NKAIN2: variants seen among roughly 807,000 people sequenced by gnomAD.
NKAIN2 encodes sodium/potassium transporting ATPase interacting 2, also known as sodium/potassium-transporting ATPase subunit beta-1-interacting protein 2.
Under a neutral mutation model 32.6 loss-of-function variants are expected in NKAIN2, and 14 were observed. The observed-to-expected ratio is 0.43, with a 90% confidence interval of 0.28 to 0.67. The LOEUF is 0.67. Ranked by LOEUF, NKAIN2 falls within the 30% of genes least tolerant of loss-of-function variation. The probability of loss-of-function intolerance (pLI) is 0.17; values close to 1 mark genes in which losing one functional copy is unlikely to be tolerated. For synonymous variants in NKAIN2, 80 were observed against 87.2 expected, an observed-to-expected ratio of 0.92 and a Z score of 0.46; for missense variants, 198 against 258.3, an observed-to-expected ratio of 0.77 and a Z score of 1.60.
chr6:123,979,833 CAAT>C (rs1778810400), intron 1 of NKAIN2, among the ~76,000 whole-genome samples: 1 of 152,120 alleles, frequency 6.6e-6, no homozygotes, highest in African/African-American at 2.4e-5. Context: ...GAGGACAAGA[CAAT>C]AAAATCTGAG....
chr6:124,137,958 A>C (rs1251393589), intron 1 of NKAIN2, among the ~76,000 whole-genome samples: 1 of 152,330 alleles, frequency 6.6e-6, no homozygotes, highest in African/African-American at 2.4e-5. Context: ...TCTTAGGCAG[A>C]GAATTAATGA....
chr6:123,900,532 G>GTATTTTTTT (rs1774517647), intron 1 of NKAIN2, among the ~76,000 whole-genome samples: 1 of 32,764 alleles, frequency 3.1e-5, no homozygotes, highest in Non-Finnish European at 1.1e-4. Context: ...CTCCAGATTA[G>GTATTTTTTT]TTTTTTTTTT....
intron 4 of NKAIN2, among the ~76,000 whole-genome samples, chr6:124,683,893 G>A (rs987042374): frequency 6.6e-6 from 1 of 152,170 alleles, no homozygotes; most frequent in Non-Finnish European, 1.5e-5. Context: ...GTGGAAAGTT[G>A]AGGCTCCCTG....
intron 2 of NKAIN2, among the ~76,000 whole-genome samples, chr6:124,304,489 T>G (rs1796428592): frequency 6.6e-6 from 1 of 151,918 alleles, no homozygotes; most frequent in East Asian, 1.9e-4. Flanking sequence ...AAAGGAGACT[T>G]AAGAAGTATA....
intron 3 of NKAIN2, among the ~76,000 whole-genome samples, chr6:124,530,709 C>A (rs1309081236): frequency 6.6e-6 from 1 of 152,144 alleles, no homozygotes; most frequent in Non-Finnish European, 1.5e-5. Context: ...GTTTGAAGGC[C>A]TGAAAATGGT....
Position 123,804,083 on chromosome 6 carries a change from G to T in NKAIN2, c.-118G>T, listed in dbSNP as rs145151651. ...AGGACGCTGGCAGCAGCAGCAGCCC[G>T]GAGCCCCCGAGCCCTCGGCAGGTTT... On this transcript the variant is annotated 5_prime_UTR_variant, in exon 1 of 7. It introduces an in-frame stop codon into an upstream open reading frame of the 5' UTR. Transcript: ENST00000368417. 1.8e-5 allele frequency: 16 copies of T among 913,110 alleles called. No homozygotes were observed. Among genetic ancestry groups the T allele is most frequent in the Admixed American group, 1.5e-4 (9 of 58,660 alleles). 56.6% of individuals were successfully genotyped at this position (913,110 alleles called of 1,614,324 possible).
intron 3 of NKAIN2, among the ~76,000 whole-genome samples, chr6:124,365,071 T>G (rs144141344): frequency 6.6e-6 from 1 of 151,656 alleles, no homozygotes; most frequent in South Asian, 2.1e-4. Context: ...AGGTGAAAAA[T>G]TAAATAATGA....
chr6:124,809,791 AAAAC>A (rs1226992391), intron 5 of NKAIN2, among the ~76,000 whole-genome samples: 3 of 152,202 alleles, frequency 2.0e-5, no homozygotes, highest in East Asian at 1.9e-4. Flanking sequence ...TTACAAGAAA[AAAAC>A]AAACAACCCC....
chr6:124,015,139 A>G (rs1320987203), intron 1 of NKAIN2, among the ~76,000 whole-genome samples: 1 of 152,070 alleles, frequency 6.6e-6, no homozygotes, highest in Non-Finnish European at 1.5e-5. Context: ...TCCAAATACC[A>G]TTTCTCTCAT....
chr6:124,290,747 A>G (rs973237331), intron 2 of NKAIN2, among the ~76,000 whole-genome samples: 2 of 151,340 alleles, frequency 1.3e-5, no homozygotes, highest in East Asian at 1.9e-4. Context: ...TCCTAAATAC[A>G]TTTCCAATTC....
chr6:124,565,280 A>G (rs992802511), intron 3 of NKAIN2, among the ~76,000 whole-genome samples: 2 of 152,350 alleles, frequency 1.3e-5, no homozygotes, highest in East Asian at 3.9e-4. Flanking sequence ...GACAACAACC[A>G]CAATGTCAGT....
chr6:124,080,221 C>A (rs1400306635), intron 1 of NKAIN2, among the ~76,000 whole-genome samples: 1 of 152,046 alleles, frequency 6.6e-6, no homozygotes, highest in African/African-American at 2.4e-5. Context: ...TGGGACTCTA[C>A]TTCTGTAAGG....
chr6:124,207,497 A>AT (rs1189417853), intron 1 of NKAIN2, among the ~76,000 whole-genome samples: 1 of 147,158 alleles, frequency 6.8e-6, no homozygotes, highest in Admixed American at 7.0e-5. Flanking sequence ...TTGCCATATG[A>AT]TTTTTACAGT....
At chr6:123,892,471 G>GCCCTCATGAGA in intron 1 of NKAIN2, among the ~76,000 whole-genome samples, 1 of 150,908 alleles carries the variant, frequency 6.6e-6, no homozygotes, top group Admixed American at 6.6e-5. Context: ...AAAAACATCA[G>GCCCTCATGAGA]CTCTCATGAG....
chr6:124,570,103 G>A (rs1477138535), intron 3 of NKAIN2, among the ~76,000 whole-genome samples: 1 of 152,192 alleles, frequency 6.6e-6, no homozygotes, highest in Non-Finnish European at 1.5e-5. Context: ...GAGATTTGTG[G>A]AACTTTGAAC....
chr6:124,701,981 AG>A (rs1774815318), intron 4 of NKAIN2, among the ~76,000 whole-genome samples: 1 of 152,108 alleles, frequency 6.6e-6, no homozygotes, highest in African/African-American at 2.4e-5. Flanking sequence ...GAGCCCATAA[AG>A]GAGAACTATG....
Position 124,670,662 on chromosome 6 carries a change from T to C in NKAIN2, c.474+12276T>C, listed in dbSNP as rs1583617726. Among the ~76,000 whole-genome samples, 5 of 151,834 alleles carry C rather than the reference T, an allele frequency of 3.3e-5. 1 individual carries two copies. Among genetic ancestry groups the C allele is most frequent in the Middle Eastern group, 3.4e-3 (1 of 294 alleles). On this transcript the variant is annotated intron_variant, in intron 4 of 6. Transcript: ENST00000368417. ...TTTGCTTTCTGTGTGTGTGTGTGTG[T>C]GTGTGTGTGTGTGTGTGTTGCATAA...
intron 1 of NKAIN2, among the ~76,000 whole-genome samples, chr6:124,195,317 G>T (rs1432860806): frequency 3.1e-5 from 2 of 64,738 alleles, no homozygotes; most frequent in Non-Finnish European, 7.4e-5. Context: ...TACTTTGTCA[G>T]GTTTAAAATT....
intron 4 of NKAIN2, among the ~76,000 whole-genome samples, chr6:124,687,368 C>CATATAATATATATATTCCATACAT (rs1773980041): frequency 8.9e-6 from 1 of 112,716 alleles, no homozygotes; most frequent in African/African-American, 3.5e-5. Context: ...TCCATACATA[C>CATATAATATATATATTCCATACAT]ACATACATGG....
Sources: gnomAD v4.1 joint callset for allele counts (sites outside exome capture counted in the v4.1 genomes callset) on GRCh38, gnomAD v4.1.1 for gene constraint, MANE v1.5 for transcripts, NCBI Gene and HGNC (gene_info 2026-07-23, HGNC 2026-07-21) for gene names.